Variants in PACS2 observed in about 807,000 individuals in gnomAD.
The protein encoded by PACS2 is phosphofurin acidic cluster sorting protein 2.
PACS2 carries 36 observed loss-of-function variants against 113.0 expected under a neutral mutation model. The ratio of observed to expected loss-of-function variants is 0.32; its 90% CI spans 0.24 to 0.42. The LOEUF (loss-of-function observed/expected upper bound fraction) is 0.42, where lower values mean the gene tolerates loss of function less well. Among genes scored for constraint, PACS2 ranks in the 10% least tolerant of loss-of-function variants. PACS2 has a pLI of 1.00. For synonymous variants in PACS2, 589 were observed against 536.1 expected, an observed-to-expected ratio of 1.10 and a Z score of -1.36; for missense variants, 1,015 against 1,239.5, an observed-to-expected ratio of 0.82 and a Z score of 2.72.
chr14:105,315,180 C>T lies in PACS2; in HGVS notation c.119+143C>T. Reference sequence around the variant, plus strand: ...CGCGCCCCCGCCCGCCGGTTCGACGCGTGCAGCCGCCGCCCCCCCGCAGCT... The same window carrying T: ...CGCGCCCCCGCCCGCCGGTTCGACGTGTGCAGCCGCCGCCCCCCCGCAGCT... On this transcript the variant is annotated intron_variant, in intron 1 of 24. Coordinates refer to ENST00000447393, the MANE Select transcript of PACS2 (RefSeq NM_001100913.3). The surrounding 1 kb of genome is among the most constrained non-coding windows in gnomAD (Gnocchi z 4.4). The T allele has an allele frequency of 5.9e-6, 2 of 338,738 alleles. No homozygotes were observed. Among genetic ancestry groups the T allele is most frequent in the Non-Finnish European group, 8.6e-6 (2 of 231,912 alleles). The allele number at this position is 338,738 out of a possible 1,614,324, so 21.0% of individuals were successfully genotyped here. A position where few individuals can be genotyped will look rare whatever the true frequency, so the allele number is the denominator to read the frequency against.
chr14:105,315,640 ACTGG>A lies in PACS2; in HGVS notation c.119+607_119+610del, dbSNP rs1470696315. 1 of 152,242 alleles carries A rather than the reference ACTGG, an allele frequency of 6.6e-6. No individual in the cohort carries two copies. The highest frequency in any genetic ancestry group is 1.5e-5 in the Non-Finnish European group (1 of 68,056). The allele number at this position is 152,242 out of a possible 1,614,324, so 9.4% of individuals were successfully genotyped here. A position where few individuals can be genotyped will look rare whatever the true frequency, so the allele number is the denominator to read the frequency against. On this transcript the variant is annotated intron_variant, in intron 1 of 24. Coordinates refer to ENST00000447393, the MANE Select transcript of PACS2 (RefSeq NM_001100913.3). The surrounding 1 kb of genome is among the most constrained non-coding windows in gnomAD (Gnocchi z 4.4). The stretch of plus-strand genomic sequence containing the variant: ...CCAGTTGATCTTGCCATTGCGGAAG[ACTGG>A]CTGTTCTGCACTTGGTAGGGGGGCG...
At chr14:105,362,000 A>G (rs1315709591) in intron 4 of PACS2, among the ~76,000 whole-genome samples, 3 of 151,408 alleles carry the variant, frequency 2.0e-5, no homozygotes, top group Admixed American at 1.3e-4. Flanking sequence ...GCAGGCACCT[A>G]AAGTCCCAGC....
intron 15 of PACS2, chr14:105,383,129 G>A: frequency 1.6e-6 from 1 of 626,630 alleles, no homozygotes; most frequent in South Asian, 1.9e-5. Flanking sequence ...CTGGAGTGGT[G>A]GCCTCCTGGC....
At position 105,355,223 on chromosome 14, in the gene PACS2, G is replaced by T. The variant is rs781930426; in HGVS notation, c.423+46G>T. 6.3e-6 allele frequency: 10 copies of T among 1,592,546 alleles called. No individual in the cohort carries two copies. The highest frequency in any genetic ancestry group is 3.4e-6 in the Non-Finnish European group (4 of 1,168,646). ...GGCCTGCGTCGGGCTGGCCACCTGG[G>T]TGCCAGAGCATTCGCCCGTGGGAGA... is the stretch of plus-strand genomic sequence containing the variant. On this transcript the variant is annotated intron_variant, in intron 4 of 24. Transcript: ENST00000447393. The surrounding 1 kb of genome is among the most constrained non-coding windows in gnomAD (Gnocchi z 4.1).
rs1193694720 is a variant in PACS2 at position 105,355,450 on chromosome 14, G to A, written c.423+273G>A. On this transcript the variant is annotated intron_variant, in intron 4 of 24. Transcript: ENST00000447393. This position sits in a 1 kb window ranked among gnomAD's most constrained non-coding sequence, Gnocchi z 4.1. ...TCTAACGAGCCTGTCCTGCCCTTCA[G>A]TGGAGGCTGGGTTTTGGGTCAGGCT... 2.6e-5 allele frequency among the ~76,000 whole-genome samples: 4 copies of A among 152,256 alleles called. No homozygotes were observed. Among genetic ancestry groups the A allele is most frequent in the African/African-American group, 9.6e-5 (4 of 41,476 alleles).
In PACS2 at chr14:105,329,703, G is replaced by A. The variant is rs148149484; in HGVS notation, c.119+14666G>A. Among the ~76,000 whole-genome samples the A allele has an allele frequency of 2.2e-3, 338 of 152,264 alleles. 2 individuals are homozygous for A. Among genetic ancestry groups the A allele is most frequent in the African/African-American group, 7.7e-3 (320 of 41,540 alleles). On this transcript the variant is annotated intron_variant, in intron 1 of 24. Coordinates refer to ENST00000447393, the MANE Select transcript of PACS2 (RefSeq NM_001100913.3). This position sits in a 1 kb window ranked among gnomAD's most constrained non-coding sequence, Gnocchi z 6.4. ...GTGCGCACCTGGAGTCCTTTCCTGCGTGACTTGCAAACAGGCCTTGCAGGG... is the reference window on the plus strand; with the variant it reads ...GTGCGCACCTGGAGTCCTTTCCTGCATGACTTGCAAACAGGCCTTGCAGGG...
chr14:105,306,472 T>C (rs1241368185), intron 1 of PACS2, among the ~76,000 whole-genome samples: 1 of 150,790 alleles, frequency 6.6e-6, no homozygotes, highest in Non-Finnish European at 1.5e-5. Context: ...CCCGGCTAAT[T>C]TTTTGTATTT....
intron 1 of PACS2, among the ~76,000 whole-genome samples, chr14:105,345,883 G>C (rs587709732): frequency 4.6e-5 from 7 of 152,346 alleles, no homozygotes; most frequent in African/African-American, 1.7e-4. Flanking sequence ...GTGGAACCAG[G>C]ACGAGGGTCC....
intron 24 of PACS2, 64 bp downstream of exon 24, chr14:105,393,399 T>C: frequency 8.9e-7 from 1 of 1,122,964 alleles, no homozygotes; most frequent in Non-Finnish European, 1.3e-6. Context: ...CAAGGCTGCT[T>C]TGGAGCCCAG....
At chr14:105,322,169 C>T (rs919232205) in intron 1 of PACS2, among the ~76,000 whole-genome samples, 2 of 151,984 alleles carry the variant, frequency 1.3e-5, no homozygotes, top group African/African-American at 4.8e-5. Flanking sequence ...AACTCTCGAC[C>T]TCGTGATCCG....
intron 24 of PACS2, among the ~76,000 whole-genome samples, chr14:105,393,752 G>T (rs1340245192): frequency 6.6e-6 from 1 of 152,006 alleles, no homozygotes; most frequent in Non-Finnish European, 1.5e-5. Context: ...ACCACGCCCG[G>T]CTAATTTTTT....
chr14:105,363,025 C>G (rs1315904055), intron 4 of PACS2, among the ~76,000 whole-genome samples: 1 of 151,950 alleles, frequency 6.6e-6, no homozygotes, highest in Non-Finnish European at 1.5e-5. Context: ...CTTTTTTTTC[C>G]CAAGCAATAG....
intron 2 of PACS2, among the ~76,000 whole-genome samples, chr14:105,350,575 C>T (rs1555403730): frequency 6.6e-6 from 1 of 152,142 alleles, no homozygotes; most frequent in Non-Finnish European, 1.5e-5. Flanking sequence ...CCCTTGATCA[C>T]CCCAGCTCCT....
At position 105,383,634 on chromosome 14, in the gene PACS2, G is replaced by T. The variant is rs587738792; in HGVS notation, c.1780+121G>T. On this transcript the variant is annotated intron_variant, in intron 16 of 24. Transcript: ENST00000447393. Reference sequence around the variant, plus strand: ...GCGTGGCGTGGCGCGGTGTGTCGTGGTGTGGCGCGGTGTGGCATGGCGTGG... The same window carrying T: ...GCGTGGCGTGGCGCGGTGTGTCGTGTTGTGGCGCGGTGTGGCATGGCGTGG... 524 of 827,162 alleles carry T rather than the reference G, an allele frequency of 6.3e-4. 4 individuals are homozygous for T. The African/African-American group carries it at 8.5e-3, about 13-fold the overall frequency. The allele number at this position is 827,162 out of a possible 1,614,324, so 51.2% of individuals were successfully genotyped here.
Position 105,394,933 on chromosome 14 carries a change from G to C in PACS2, c.*261G>C. 1 of 428,068 alleles carries C rather than the reference G, an allele frequency of 2.3e-6. No individual in the cohort carries two copies. The highest frequency in any genetic ancestry group is 4.3e-6 in the Non-Finnish European group (1 of 230,518). 26.5% of individuals were successfully genotyped at this position (428,068 alleles called of 1,614,324 possible). On this transcript the variant is annotated 3_prime_UTR_variant, in exon 25 of 25. Coordinates refer to ENST00000447393, the MANE Select transcript of PACS2 (RefSeq NM_001100913.3). ...TGCTGAGCCATGGATCGCGGAAGGC[G>C]TCCTCTGGCCTCAGGAGCCACCCAG...
At chr14:105,319,487 C>T (rs1051148464) in intron 1 of PACS2, among the ~76,000 whole-genome samples, 1 of 152,182 alleles carries the variant, frequency 6.6e-6, no homozygotes. Flanking sequence ...TAGTAAAAGT[C>T]AGCTTTTTAT....
intron 8 of PACS2, among the ~76,000 whole-genome samples, chr14:105,374,442 A>C (rs1196708847): frequency 2.6e-5 from 4 of 152,244 alleles, no homozygotes. Flanking sequence ...GAACACATAA[A>C]GAATGCTTAT....
upstream of PACS2, among the ~76,000 whole-genome samples, chr14:105,310,455 G>C (rs1389421740): frequency 1.3e-5 from 2 of 151,076 alleles, no homozygotes; most frequent in Non-Finnish European, 2.9e-5. Context: ...GCATGAACCC[G>C]GGAGGCAGAG....
intron 7 of PACS2, 136 bp downstream of exon 7, chr14:105,368,675 C>A: frequency 1.5e-6 from 1 of 683,938 alleles, no homozygotes; most frequent in South Asian, 1.7e-5. Flanking sequence ...CCGTGGCAGA[C>A]CCCCTGATTG....
Sources: allele counts gnomAD v4.1 joint callset (sites outside exome capture counted in the v4.1 genomes callset), GRCh38; gene constraint gnomAD v4.1.1; non-coding constraint Gnocchi (gnomAD v3.1); transcripts MANE v1.5; gene names NCBI Gene and HGNC (gene_info 2026-07-23, HGNC 2026-07-21).